Variants in ZNF682 observed in about 807,000 individuals in gnomAD.
ZNF682 encodes zinc finger protein 682.
Under a neutral mutation model 36.5 loss-of-function variants are expected in ZNF682, and 29 were observed. The observed-to-expected ratio is 0.80, with a 90% CI of 0.59 to 1.08. ZNF682 has a LOEUF of 1.08. ZNF682 is among the 50% of genes least tolerant of loss of function. ZNF682 has a pLI of 0.00. For synonymous variants in ZNF682, 180 were observed against 197.0 expected (o/e 0.91, Z 0.72); for missense variants, 561 against 579.7 (o/e 0.97, Z 0.33).
At chr19:19,997,571 C>T (rs796649269) in intron 3 of ZNF682, among the ~76,000 whole-genome samples, 3 of 152,146 alleles carry the variant, frequency 2.0e-5, no homozygotes, top group Non-Finnish European at 4.4e-5. Flanking sequence ...GTCTGAAGCC[C>T]AGGGAAAATA....
At chr19:20,017,277 A>G (rs1037635092) in intron 3 of ZNF682, among the ~76,000 whole-genome samples, 4 of 152,202 alleles carry the variant, frequency 2.6e-5, no homozygotes, top group African/African-American at 9.6e-5. Flanking sequence ...AAATAGCTGA[A>G]TGAGTTAAAA....
intron 1 of ZNF682, among the ~76,000 whole-genome samples, chr19:20,037,812 T>C (rs918565055): frequency 3.3e-5 from 5 of 152,210 alleles, no homozygotes; most frequent in Admixed American, 2.6e-4. Flanking sequence ...TGGCCAGCAC[T>C]GTATCTCTAA....
chr19:20,007,116 AT>A lies in ZNF682; in HGVS notation c.385del (p.Ile129PhefsTer23), dbSNP rs755879472. ...NVGECKDQKE[I>X]YNGLNQCLST... ...CAAACATTGGTTAAGTCCATTATAA[AT>A]TTCTTTTTGATCCTTACACTCACCC... On this transcript the variant is annotated frameshift_variant, in exon 4 of 4. Transcript: ENST00000397165. LOFTEE classifies it low-confidence loss of function (END_TRUNC). 1 of 1,613,540 alleles carries A rather than the reference AT, an allele frequency of 6.2e-7. No individual in the cohort carries two copies. Among genetic ancestry groups the A allele is most frequent in the South Asian group, 1.1e-5 (1 of 91,080 alleles).
chr19:19,996,623 C>G (rs1432260180), downstream of ZNF682, among the ~76,000 whole-genome samples: 1 of 152,074 alleles, frequency 6.6e-6, no homozygotes, highest in Non-Finnish European at 1.5e-5. Flanking sequence ...TAAGTGGGAG[C>G]TAAGCTATGA....
intron 3 of ZNF682, among the ~76,000 whole-genome samples, chr19:20,011,603 A>C (rs1599605654): frequency 6.6e-6 from 1 of 152,386 alleles, no homozygotes; most frequent in Non-Finnish European, 1.5e-5. Context: ...TTCTTGAAAC[A>C]GAGTGAAATA....
intron 3 of ZNF682, among the ~76,000 whole-genome samples, chr19:20,014,776 C>A (rs1296765276): frequency 7.6e-6 from 1 of 132,290 alleles, no homozygotes; most frequent in Non-Finnish European, 1.6e-5. Context: ...GAGACTCCAT[C>A]TCAAAAAAAA....
intron 3 of ZNF682, among the ~76,000 whole-genome samples, chr19:19,998,101 A>C (rs1568533468): frequency 6.6e-6 from 1 of 152,208 alleles, no homozygotes; most frequent in Non-Finnish European, 1.5e-5. Context: ...GGTACAGAAA[A>C]TGATTGAATC....
intron 3 of ZNF682, among the ~76,000 whole-genome samples, chr19:20,011,144 C>CA (rs1391213786): frequency 2.0e-5 from 3 of 151,448 alleles, no homozygotes; most frequent in Non-Finnish European, 2.9e-5. Context: ...AAAAAACAAA[C>CA]AAAAAAATGC....
At chr19:20,039,292 G>C in intron 1 of ZNF682, 51 bp downstream of exon 1, 1 of 1,607,208 alleles carries the variant, frequency 6.2e-7, no homozygotes, top group Non-Finnish European at 8.5e-7. Context: ...GTTCCGGCCG[G>C]TTTCAACCAG....
In ZNF682 at chr19:20,018,315, C is replaced by T. The variant is rs369942469; in HGVS notation, c.226+4689G>A. Among the ~76,000 whole-genome samples the T allele has an allele frequency of 4.6e-5, 7 of 151,586 alleles. No individual in the cohort carries two copies. In the East Asian group the frequency reaches 7.8e-4, roughly 17 times the overall value. ...TCACCGTTTTTAGCCGGGATGGTCTCGATCTCCTGACCTCGTGATCCGCCC... is the reference window on the plus strand; with the variant it reads ...TCACCGTTTTTAGCCGGGATGGTCTTGATCTCCTGACCTCGTGATCCGCCC... On this transcript the variant is annotated intron_variant, in intron 3 of 3. Coordinates refer to ENST00000397165, the MANE Select transcript of ZNF682 (RefSeq NM_033196.3).
rs2088206592 is a variant in ZNF682 at position 20,005,575 on chromosome 19, C to G, written c.*430G>C. The G allele has an allele frequency of 6.3e-6, 1 of 158,430 alleles. No homozygotes were observed. The highest frequency in any genetic ancestry group is 2.4e-5 in the African/African-American group (1 of 41,532). The allele number at this position is 158,430 out of a possible 1,614,324, so 9.8% of individuals were successfully genotyped here. On this transcript the variant is annotated 3_prime_UTR_variant, in exon 4 of 4. Coordinates refer to ENST00000397165, the MANE Select transcript of ZNF682 (RefSeq NM_033196.3). ...CAATCTTTATATTTGTAATGTTTTT[C>G]TTCAGTATAAAAACTCTTGTGTACT...
intron 3 of ZNF682, among the ~76,000 whole-genome samples, chr19:20,021,714 A>G (rs1458632600): frequency 3.9e-5 from 6 of 152,208 alleles, no homozygotes; most frequent in Admixed American, 2.0e-4. Flanking sequence ...CAACTAATAT[A>G]GTTGAAGAAT....
intron 3 of ZNF682, among the ~76,000 whole-genome samples, chr19:20,011,219 C>G (rs1432201339): frequency 6.6e-6 from 1 of 152,040 alleles, no homozygotes; most frequent in African/African-American, 2.4e-5. Flanking sequence ...AAGACAAACA[C>G]ATTACATAAT....
chr19:20,020,957 A>G (rs76132028), intron 3 of ZNF682, among the ~76,000 whole-genome samples: 1,103 of 47,304 alleles, frequency 0.023, 11 homozygotes, highest in African/African-American at 0.12. Context: ...CCAGTCCTGA[A>G]ATGAATTAAG....
At chr19:19,999,640 T>G (rs1286277630), downstream of ZNF682, among the ~76,000 whole-genome samples, 1 of 152,164 alleles carries the variant, frequency 6.6e-6, no homozygotes, top group East Asian at 1.9e-4. Flanking sequence ...GCTCCAGTGA[T>G]TCTCCTGCCT....
chr19:20,037,412 G>T (rs2088540658), intron 1 of ZNF682, among the ~76,000 whole-genome samples: 1 of 152,142 alleles, frequency 6.6e-6, no homozygotes, highest in Non-Finnish European at 1.5e-5. Flanking sequence ...AAAAAACCAG[G>T]TTGCCAGTAC....
At chr19:20,003,621 C>T (rs528152210), downstream of ZNF682, among the ~76,000 whole-genome samples, 2 of 151,444 alleles carry the variant, frequency 1.3e-5, no homozygotes, top group Non-Finnish European at 2.9e-5. Flanking sequence ...AGGAGAATGG[C>T]GTGAACCTGG....
chr19:20,031,600 G>C (rs779630124), intron 1 of ZNF682, among the ~76,000 whole-genome samples: 22 of 152,154 alleles, frequency 1.4e-4, no homozygotes, highest in African/African-American at 5.3e-4. Flanking sequence ...AGCATGCTGC[G>C]CAAAACCAGA....
intron 1 of ZNF682, among the ~76,000 whole-genome samples, chr19:20,028,816 T>G (rs1397306962): frequency 6.6e-6 from 1 of 152,194 alleles, no homozygotes; most frequent in Non-Finnish European, 1.5e-5. Flanking sequence ...TTATGGAGCA[T>G]GCGCTGTGTG....
Sources: gnomAD v4.1 joint callset for allele counts (sites outside exome capture counted in the v4.1 genomes callset) on GRCh38, gnomAD v4.1.1 for gene constraint, MANE v1.5 for transcripts, NCBI Gene and HGNC (gene_info 2026-07-23, HGNC 2026-07-21) for gene names.